Variants in AGBL3 observed in about 807,000 individuals in gnomAD.
The protein encoded by AGBL3 is AGBL carboxypeptidase 3.
Under a neutral mutation model 94.5 loss-of-function variants are expected in AGBL3, and 68 were observed. The ratio of observed to expected loss-of-function variants is 0.72; its 90% CI spans 0.59 to 0.88. The LOEUF is 0.88. Ranked by LOEUF, AGBL3 falls within the 40% of genes least tolerant of loss-of-function variation. The pLI is 0.00. For synonymous variants in AGBL3, 354 were observed against 370.7 expected (o/e 0.95, Z 0.52); for missense variants, 934 against 1,103.8 (o/e 0.85, Z 2.18).
chr7:135,108,058 T>G (rs549864410), intron 15 of AGBL3, among the ~76,000 whole-genome samples: 1 of 152,350 alleles, frequency 6.6e-6, no homozygotes, highest in East Asian at 1.9e-4. Context: ...GATTTCCATT[T>G]ACTTGGTAGA....
intron 15 of AGBL3, among the ~76,000 whole-genome samples, chr7:135,112,104 T>A (rs1825722688): frequency 6.6e-6 from 1 of 152,212 alleles, no homozygotes; most frequent in African/African-American, 2.4e-5. Flanking sequence ...TGAAGCTCTA[T>A]CCATTCTACC....
chr7:135,017,014 G>A, intron 4 of AGBL3, 38 bp from the exon 5 acceptor site: 1 of 1,295,796 alleles, frequency 7.7e-7, no homozygotes, highest in Non-Finnish European at 1.1e-6. Flanking sequence ...GTTTTATTTT[G>A]AAGTCATCTT....
At chr7:135,079,491 A>T (rs920734566) in intron 13 of AGBL3, among the ~76,000 whole-genome samples, 1 of 152,070 alleles carries the variant, frequency 6.6e-6, no homozygotes, top group East Asian at 1.9e-4. Context: ...TTTGAGACGG[A>T]GTCTAGCTCT....
chr7:135,001,101 C>G (rs143569430), intron 4 of AGBL3, among the ~76,000 whole-genome samples: 1 of 152,270 alleles, frequency 6.6e-6, no homozygotes, highest in African/African-American at 2.4e-5. Context: ...AAAATCCATC[C>G]CAATACATTC....
intron 11 of AGBL3, among the ~76,000 whole-genome samples, chr7:135,055,415 T>C (rs886915930): frequency 4.6e-5 from 7 of 152,216 alleles, no homozygotes; most frequent in Admixed American, 3.3e-4. Context: ...AAGGTTTCTG[T>C]AGATATCAAG....
chr7:135,115,863 A>G (rs1329889583), intron 16 of AGBL3: 1 of 378,156 alleles, frequency 2.6e-6, no homozygotes, highest in East Asian at 4.5e-5. Flanking sequence ...TTAATAAAGT[A>G]GGCATAAATA....
At chr7:135,031,686 C>T (rs1392167818) in intron 5 of AGBL3, among the ~76,000 whole-genome samples, 1 of 152,158 alleles carries the variant, frequency 6.6e-6, no homozygotes, top group Admixed American at 6.5e-5. Flanking sequence ...CATTTTATCC[C>T]CAATGCTAGG....
At chr7:135,051,571 A>AGAT (rs1311282938) in intron 11 of AGBL3, among the ~76,000 whole-genome samples, 1 of 152,130 alleles carries the variant, frequency 6.6e-6, no homozygotes, top group Admixed American at 6.6e-5. Flanking sequence ...AACATAGCCT[A>AGAT]GATGATAGTT....
intron 16 of AGBL3, chr7:135,128,452 G>A: frequency 2.7e-6 from 2 of 728,286 alleles, no homozygotes; most frequent in South Asian, 2.8e-5. Context: ...AATGTCAGAA[G>A]ACCAAGAAGC....
chr7:135,048,323 G>A (rs7786435), intron 11 of AGBL3, among the ~76,000 whole-genome samples: 141,361 of 151,906 alleles, frequency 0.93, 66,563 homozygotes, highest in Non-Finnish European at 1. Context: ...TTGATTTGAT[G>A]TGGCTATTCA....
chr7:134,986,945 A>G (rs1364419994), intron 1 of AGBL3, among the ~76,000 whole-genome samples: 1 of 152,264 alleles, frequency 6.6e-6, no homozygotes, highest in Non-Finnish European at 1.5e-5. Context: ...GCCGGTGGAT[A>G]AGGGCCGTTT....
intron 4 of AGBL3, 61 bp from the exon 5 acceptor site, chr7:135,016,991 A>G (rs1404353423): frequency 1.9e-6 from 2 of 1,080,264 alleles, no homozygotes; most frequent in African/African-American, 1.6e-5. Flanking sequence ...AAAATATGCA[A>G]TAAAATTTTT....
At chr7:135,130,769 A>G (rs1442702177) in intron 16 of AGBL3, among the ~76,000 whole-genome samples, 1 of 152,166 alleles carries the variant, frequency 6.6e-6, no homozygotes, top group Non-Finnish European at 1.5e-5. Context: ...GTCTTCTCTA[A>G]CAAGCTATGG....
intron 16 of AGBL3, among the ~76,000 whole-genome samples, chr7:135,123,743 A>G (rs1205668018): frequency 6.6e-6 from 1 of 152,208 alleles, no homozygotes; most frequent in Non-Finnish European, 1.5e-5. Context: ...AATATTCAAC[A>G]TTCTTAGAGA....
intron 8 of AGBL3, among the ~76,000 whole-genome samples, chr7:135,040,579 GA>G (rs34961381): frequency 0.49 from 72,356 of 146,902 alleles, 17,732 homozygotes; most frequent in South Asian, 0.66. Flanking sequence ...ATCTTGTTAT[GA>G]AAAAAAAAAA....
At chr7:135,124,030 T>C (rs1050509670) in intron 16 of AGBL3, among the ~76,000 whole-genome samples, 20 of 152,150 alleles carry the variant, frequency 1.3e-4, no homozygotes, top group African/African-American at 4.8e-4. Flanking sequence ...CAGGATCAAA[T>C]TGACACATTA....
chr7:135,122,667 C>T (rs1827302890), intron 16 of AGBL3, among the ~76,000 whole-genome samples: 1 of 152,156 alleles, frequency 6.6e-6, no homozygotes, highest in South Asian at 2.1e-4. Context: ...GGTCAGAGAT[C>T]CCAGAAGAAG....
chr7:135,019,945 A>T (rs966229233), intron 5 of AGBL3, among the ~76,000 whole-genome samples: 3 of 151,902 alleles, frequency 2.0e-5, no homozygotes, highest in Non-Finnish European at 4.4e-5. Flanking sequence ...GTTAGACCTA[A>T]AACCATAAAA....
chr7:135,059,578 C>G (rs1402889590), intron 12 of AGBL3, among the ~76,000 whole-genome samples: 1 of 152,144 alleles, frequency 6.6e-6, no homozygotes, highest in Non-Finnish European at 1.5e-5. Context: ...AACTATGTAT[C>G]AGGCACTGGC....
Sources: allele counts gnomAD v4.1 joint callset (sites outside exome capture counted in the v4.1 genomes callset), GRCh38; gene constraint gnomAD v4.1.1; transcripts MANE v1.5; gene names NCBI Gene and HGNC (gene_info 2026-07-23, HGNC 2026-07-21).